Variants in SLC6A18 observed in about 807,000 individuals in gnomAD.
SLC6A18 encodes the protein solute carrier family 6 member 18, also known as inactive sodium-dependent neutral amino acid transporter B(0)AT3.
A neutral mutation model predicts 62.9 loss-of-function variants in SLC6A18; 58 were observed. That is an observed-to-expected ratio of 0.92 (90% confidence interval 0.75 to 1.15). The LOEUF (loss-of-function observed/expected upper bound fraction) is 1.15, where lower values mean the gene tolerates loss of function less well. Among genes scored for constraint, SLC6A18 ranks in the 50% most tolerant of loss-of-function variants. The pLI, the probability that SLC6A18 is intolerant of heterozygous loss-of-function variation, is 0.00. For missense variants in SLC6A18, 793 were observed against 836.6 expected (o/e 0.95, Z 0.64); for synonymous variants, 382 against 365.8 (o/e 1.04, Z -0.51).
At chr5:1,226,655 T>G (rs1023290735) in intron 1 of SLC6A18, among the ~76,000 whole-genome samples, 4 of 152,170 alleles carry the variant, frequency 2.6e-5, no homozygotes, top group Admixed American at 2.0e-4. Context: ...CTCGGGGCAC[T>G]GGGGTCTCTT....
chr5:1,232,173 C>T (rs776051891), intron 1 of SLC6A18, 46 bp from the exon 2 acceptor site: 2 of 1,578,684 alleles, frequency 1.3e-6, no homozygotes. Context: ...CACAGTCCCC[C>T]CCAGCCCCCG....
At chr5:1,230,995 T>A (rs1746717192) in intron 1 of SLC6A18, among the ~76,000 whole-genome samples, 1 of 152,128 alleles carries the variant, frequency 6.6e-6, no homozygotes, top group South Asian at 2.1e-4. Flanking sequence ...AGGGGCCTCT[T>A]CAGCAGCGTA....
At chr5:1,239,726 C>T (rs1561179434) in intron 6 of SLC6A18, among the ~76,000 whole-genome samples, 164 bp downstream of exon 6, 1 of 152,140 alleles carries the variant, frequency 6.6e-6, no homozygotes, top group Non-Finnish European at 1.5e-5. Flanking sequence ...CCAGCACGTC[C>T]GGAGCTGGCT....
At chr5:1,242,971 A>G (rs1232351611) in intron 8 of SLC6A18, 108 bp downstream of exon 8, 10 of 1,286,704 alleles carry the variant, frequency 7.8e-6, no homozygotes, top group Non-Finnish European at 1.1e-5. Flanking sequence ...CCACAGACCC[A>G]GGGCCAGGGC....
At position 1,246,148 on chromosome 5, in the gene SLC6A18, G is replaced by GCCCCCC. The variant is rs1747219875; in HGVS notation, c.*73_*74insCCCCCC. 1.4e-6 allele frequency: 2 copies of GCCCCCC among 1,426,712 alleles called. No homozygotes were observed. Among genetic ancestry groups the GCCCCCC allele is most frequent in the Non-Finnish European group, 1.8e-6 (2 of 1,088,864 alleles). The allele number at this position is 1,426,712 out of a possible 1,614,324, so 88.4% of individuals were successfully genotyped here. A position where few individuals can be genotyped will look rare whatever the true frequency, so the allele number is the denominator to read the frequency against. ...TTGGCCTGATGGTGGGCGGGGCCCC[G>GCCCCCC]CCCACAGGGCCGACCCCAATACACC... On this transcript the variant is annotated 3_prime_UTR_variant, in exon 12 of 12. Transcript: ENST00000324642.
Position 1,232,601 on chromosome 5 carries a change from C to T in SLC6A18, c.302-150C>T. 3 of 1,188,394 alleles carry T rather than the reference C, an allele frequency of 2.5e-6. No individual in the cohort carries two copies. The Admixed American group carries it at 8.3e-5, about 33-fold the overall frequency. 73.6% of individuals were successfully genotyped at this position (1,188,394 alleles called of 1,614,324 possible). On this transcript the variant is annotated intron_variant, in intron 2 of 11. Transcript: ENST00000324642. ...GGACCTGGAAGCTGGTGTTGCCATT[C>T]ACATGTGAGGTGTGAGGGAGGCCTG...
In SLC6A18 at chr5:1,225,468, C is replaced by T; in HGVS notation, c.-10C>T. On this transcript the variant is annotated 5_prime_UTR_variant, in exon 1 of 12. Coordinates refer to ENST00000324642, the MANE Select transcript of SLC6A18 (RefSeq NM_182632.3). Reference sequence around the variant, plus strand: ...CACCCTTGCCCTGAAGCCTGGGGCACTCAGTCACCATGGCTCATGCCCCAG... The same window carrying T: ...CACCCTTGCCCTGAAGCCTGGGGCATTCAGTCACCATGGCTCATGCCCCAG... The T allele has an allele frequency of 1.2e-6, 2 of 1,609,036 alleles. No individual in the cohort carries two copies. The highest frequency in any genetic ancestry group is 1.7e-6 in the Non-Finnish European group (2 of 1,178,124).
intron 6 of SLC6A18, among the ~76,000 whole-genome samples, chr5:1,240,020 C>G (rs1475439307): frequency 6.6e-6 from 1 of 152,224 alleles, no homozygotes. Flanking sequence ...ATTTCTGCCC[C>G]CTTCGGAGGC....
chr5:1,237,077 TAAAAA>T (rs59702141), intron 4 of SLC6A18, among the ~76,000 whole-genome samples: 1 of 137,662 alleles, frequency 7.3e-6, no homozygotes, highest in Non-Finnish European at 1.6e-5. Context: ...CTACTAAAAA[TAAAAA>T]AAAAAAAAAA....
At chr5:1,240,477 A>G (rs1747023873) in intron 6 of SLC6A18, 54 bp from the exon 7 acceptor site, 3 of 1,606,530 alleles carry the variant, frequency 1.9e-6, no homozygotes, top group East Asian at 2.2e-5. Flanking sequence ...CCTCCCCTGG[A>G]TGAGGCCCAG....
chr5:1,241,050 G>A lies in SLC6A18; in HGVS notation c.974+391G>A, dbSNP rs1472571669. Among the ~76,000 whole-genome samples, 3 of 152,172 alleles carry A rather than the reference G, an allele frequency of 2.0e-5. No individual in the cohort carries two copies. Among genetic ancestry groups the A allele is most frequent in the Non-Finnish European group, 4.4e-5 (3 of 68,034 alleles). ...CTGGAAGAGGCGGGAGGAGTCTCCC[G>A]TGCAGGCTCAGGAGGGGCGCGGCCT... On this transcript the variant is annotated intron_variant, in intron 7 of 11. Coordinates refer to ENST00000324642, the MANE Select transcript of SLC6A18 (RefSeq NM_182632.3). This position sits in a 1 kb window ranked among gnomAD's most constrained non-coding sequence, Gnocchi z 7.8.
At chr5:1,233,917 A>T (rs915813928) in intron 3 of SLC6A18, among the ~76,000 whole-genome samples, 1 of 151,736 alleles carries the variant, frequency 6.6e-6, no homozygotes, top group Non-Finnish European at 1.5e-5. Context: ...AATTTTTTGT[A>T]TTTTTAGTAG....
intron 1 of SLC6A18, among the ~76,000 whole-genome samples, chr5:1,230,420 G>T (rs1199451230): frequency 6.6e-6 from 1 of 152,164 alleles, no homozygotes; most frequent in African/African-American, 2.4e-5. Flanking sequence ...GGTGTCAGGT[G>T]CCTCCACCTG....
At chr5:1,237,633 C>T (rs376065162) in intron 4 of SLC6A18, among the ~76,000 whole-genome samples, 1 of 152,118 alleles carries the variant, frequency 6.6e-6, no homozygotes, top group African/African-American at 2.4e-5. Context: ...GGGAGTTTGG[C>T]CCAGACCCCT....
Position 1,235,319 on chromosome 5 carries a change from C to T in SLC6A18, c.440-162C>T, listed in dbSNP as rs572752654. 2.6e-5 allele frequency among the ~76,000 whole-genome samples: 4 copies of T among 152,302 alleles called. No homozygotes were observed. The East Asian group carries it at 5.8e-4, about 22-fold the overall frequency. ...CTCAGCCTGTTCATTTTCACAGCCA[C>T]GTCTGTTTCTCCATCTCAGCCCTGG... On this transcript the variant is annotated intron_variant, in intron 3 of 11. Coordinates refer to ENST00000324642, the MANE Select transcript of SLC6A18 (RefSeq NM_182632.3).
At chr5:1,240,118 G>A (rs758031414) in intron 6 of SLC6A18, among the ~76,000 whole-genome samples, 24 of 152,072 alleles carry the variant, frequency 1.6e-4, no homozygotes, top group Non-Finnish European at 1.0e-4. Context: ...TGCCAGCTGG[G>A]ACGCCAGGGA....
chr5:1,240,059 G>A (rs1228554479), intron 6 of SLC6A18, among the ~76,000 whole-genome samples: 1 of 152,252 alleles, frequency 6.6e-6, no homozygotes, highest in Admixed American at 6.5e-5. Context: ...GGGAGAGGCA[G>A]GTTGGTCCCT....
At chr5:1,237,306 TGAGGA>T (rs1251831337) in intron 4 of SLC6A18, among the ~76,000 whole-genome samples, 2 of 149,202 alleles carry the variant, frequency 1.3e-5, no homozygotes, top group African/African-American at 2.5e-5. Context: ...TTGGGGGAAC[TGAGGA>T]GAGGAGTGAG....
Position 1,235,639 on chromosome 5 carries a change from A to C in SLC6A18, c.598A>C (p.Arg200=), listed in dbSNP as rs900026291. 5.0e-6 allele frequency: 8 copies of C among 1,613,802 alleles called. 1 individual carries two copies. In the Admixed American group the frequency reaches 6.7e-5, roughly 13 times the overall value. Residue 200 remains arginine, a synonymous_variant, in exon 4 of 12, where the codon AGG becomes CGG. Coordinates refer to ENST00000324642, the MANE Select transcript of SLC6A18 (RefSeq NM_182632.3). ...GGCAGTCGTGTACATGTGTGTCATC[A>C]GGGGCATTGAGACTACAGGGAAGGT... ...SWAVVYMCVI[R]GIETTGKVIY... is the part of the protein sequence containing the mutation.
Sources: gnomAD v4.1 joint callset for allele counts (sites outside exome capture counted in the v4.1 genomes callset) on GRCh38, gnomAD v4.1.1 for gene constraint, Gnocchi (gnomAD v3.1) non-coding constraint, MANE v1.5 for transcripts, NCBI Gene and HGNC (gene_info 2026-07-23, HGNC 2026-07-21) for gene names.